The following GREB1 variants were observed in gnomAD, a reference collection of about 807,000 sequenced individuals.
GREB1 encodes protein GREB1.
A neutral mutation model predicts 200.7 loss-of-function variants in GREB1; 106 were observed. That is an observed-to-expected ratio of 0.53 (90% confidence interval 0.45 to 0.62). The LOEUF is 0.62. GREB1 is among the 20% of genes least tolerant of loss of function. GREB1 has a pLI of 0.00. For synonymous variants in GREB1, 1,132 were observed against 1,092.4 expected, an observed-to-expected ratio of 1.04 and a Z score of -0.72; for missense variants, 2,243 against 2,556.8, an observed-to-expected ratio of 0.88 and a Z score of 2.65.
chr2:11,616,701 C>T lies in GREB1; in HGVS notation c.3393C>T (p.Ser1131=), dbSNP rs749242239. 6.2e-7 allele frequency: 1 copy of T among 1,610,136 alleles called. No homozygotes were observed. The highest frequency in any genetic ancestry group is 8.5e-7 in the Non-Finnish European group (1 of 1,176,328). ...RSRSHDSASS[S]LSSKASGSAL... is the part of the protein sequence containing the mutation. The stretch of plus-strand genomic sequence containing the variant: ...GCTCCCACGACTCAGCATCCTCATC[C>T]CTCTCCTCCAAGGCTTCCGGTGAGT... Residue 1131 remains serine (S), a synonymous_variant, in exon 21 of 33, where the codon TCC becomes TCT. Coordinates refer to ENST00000381486, the MANE Select transcript of GREB1 (RefSeq NM_014668.4).
chr2:11,635,802 C>T (rs529420554), intron 30 of GREB1, among the ~76,000 whole-genome samples: 3 of 152,254 alleles, frequency 2.0e-5, no homozygotes, highest in South Asian at 4.1e-4. Context: ...TGGGCAGCCT[C>T]GGGGTGGGGA....
intron 2 of GREB1, among the ~76,000 whole-genome samples, chr2:11,559,142 G>A (rs761721388): frequency 1.6e-4 from 24 of 152,176 alleles, no homozygotes; most frequent in Non-Finnish European, 3.2e-4. Context: ...AAAAGCAGTA[G>A]CCTTGTACGG....
chr2:11,513,145 T>G (rs1673397075), intron 1 of GREB1, among the ~76,000 whole-genome samples: 1 of 152,252 alleles, frequency 6.6e-6, no homozygotes. Context: ...TAAGCAGGTC[T>G]GCTACGGTTC....
intron 9 of GREB1, chr2:11,588,355 C>T: frequency 1.0e-6 from 1 of 966,218 alleles, no homozygotes; most frequent in Non-Finnish European, 1.3e-6. Context: ...GGAGGCAAGA[C>T]CTGGCAGGCA....
chr2:11,631,069 C>T (rs1441517103), intron 26 of GREB1, among the ~76,000 whole-genome samples: 1 of 152,138 alleles, frequency 6.6e-6, no homozygotes, highest in Non-Finnish European at 1.5e-5. Flanking sequence ...CGGTGAAATT[C>T]CAGGGGTGAA....
intron 29 of GREB1, 130 bp downstream of exon 29, chr2:11,634,479 G>A (rs1685146911): frequency 1.5e-6 from 1 of 648,526 alleles, no homozygotes; most frequent in Non-Finnish European, 2.7e-6. Flanking sequence ...CGTTGTCCCA[G>A]TTTTTTTAGT....
chr2:11,619,951 C>G (rs1454445100), intron 22 of GREB1, among the ~76,000 whole-genome samples: 1 of 152,192 alleles, frequency 6.6e-6, no homozygotes, highest in Non-Finnish European at 1.5e-5. Flanking sequence ...GCTTGGAAAG[C>G]ACATCCCTGG....
intron 2 of GREB1, among the ~76,000 whole-genome samples, chr2:11,560,701 C>CAA (rs57683800): frequency 0.025 from 3,650 of 143,278 alleles, 159 homozygotes; most frequent in African/African-American, 0.087. Flanking sequence ...AACTCCATCT[C>CAA]AAAAAAAAAA....
rs1376461397 is a variant in GREB1 at position 11,592,832 on chromosome 2, C to T, written c.1402C>T (p.Arg468Cys). ...GGAGCAGATCTTCCTGCGCTCTTGGCGCGAGTCGCACCTGACCGAGATCCG... is the reference window on the plus strand; with the variant it reads ...GGAGCAGATCTTCCTGCGCTCTTGGTGCGAGTCGCACCTGACCGAGATCCG... ...DLEQIFLRSW[R>C]ESHLTEIRQY... Residue 468 changes from arginine to cysteine, a missense_variant, in exon 11 of 33, where the codon CGC becomes TGC. This residue lies in a region of GREB1 where 1,178 missense variants were observed against 1,387.4 expected (regional missense o/e 0.85). Transcript: ENST00000381486. 6.3e-7 allele frequency: 1 copy of T among 1,590,924 alleles called. No homozygotes were observed. Among genetic ancestry groups the T allele is most frequent in the Non-Finnish European group, 8.5e-7 (1 of 1,172,698 alleles).
chr2:11,503,652 C>T (rs987772662), intron 1 of GREB1, among the ~76,000 whole-genome samples: 16 of 152,206 alleles, frequency 1.1e-4, no homozygotes, highest in Non-Finnish European at 2.2e-4. Context: ...TCTTTCCTCA[C>T]ATTTTTGCCA....
intron 1 of GREB1, among the ~76,000 whole-genome samples, chr2:11,486,716 A>T (rs1672664590): frequency 6.6e-6 from 1 of 151,910 alleles, no homozygotes; most frequent in African/African-American, 2.4e-5. Context: ...GAAAATACAA[A>T]AATTAGCCAG....
chr2:11,632,261 T>C (rs1684933948), intron 27 of GREB1, 148 bp downstream of exon 27: 1 of 620,230 alleles, frequency 1.6e-6, no homozygotes, highest in East Asian at 2.8e-5. Flanking sequence ...GACTTTTTTA[T>C]GCAGTCTTCC....
In GREB1 at chr2:11,595,391, G is replaced by A. The variant is rs747232063; in HGVS notation, c.1825+12G>A. ...CACCCTCTGTCCAGGTAGGCTTGTC[G>A]TGAGACAGGTGCACATGCGTATGTT... On this transcript the variant is annotated intron_variant, in intron 12 of 32. Transcript: ENST00000381486. 22 of 1,611,326 alleles carry A rather than the reference G, an allele frequency of 1.4e-5. No homozygotes were observed. Among genetic ancestry groups the A allele is most frequent in the South Asian group, 5.5e-5 (5 of 90,908 alleles).
intron 21 of GREB1, among the ~76,000 whole-genome samples, 167 bp from the exon 22 acceptor site, chr2:11,618,121 G>A (rs1273646064): frequency 1.7e-4 from 11 of 63,976 alleles, no homozygotes; most frequent in South Asian, 9.9e-4. Flanking sequence ...GGGACGAGTC[G>A]CCCCTGAGAT....
intron 16 of GREB1, among the ~76,000 whole-genome samples, chr2:11,601,807 G>A (rs372926661): frequency 6.6e-6 from 1 of 152,318 alleles, no homozygotes. Flanking sequence ...AGACAAAGTG[G>A]CCAACAAGAG....
At chr2:11,522,383 G>A (rs147591078) in intron 1 of GREB1, among the ~76,000 whole-genome samples, 1 of 152,310 alleles carries the variant, frequency 6.6e-6, no homozygotes, top group East Asian at 1.9e-4. Context: ...GGTTAAAGTA[G>A]AGTGTTTTTG....
At position 11,551,992 on chromosome 2, in the gene GREB1, C is replaced by T. The variant is rs151307016; in HGVS notation, c.-161-4462C>T. 1.7e-3 allele frequency among the ~76,000 whole-genome samples: 263 copies of T among 152,350 alleles called. 1 individual carries two copies. The highest frequency in any genetic ancestry group is 2.5e-3 in the Non-Finnish European group (169 of 68,038). On this transcript the variant is annotated intron_variant, in intron 1 of 32. Coordinates refer to ENST00000381486, the MANE Select transcript of GREB1 (RefSeq NM_014668.4). ...AGATTTAACTAGAAATTAATGATTA[C>T]GCACTGACTATACTCCGTCTCTCTT...
At chr2:11,582,903 C>T (rs931039656) in intron 7 of GREB1, among the ~76,000 whole-genome samples, 1 of 152,128 alleles carries the variant, frequency 6.6e-6, no homozygotes, top group Non-Finnish European at 1.5e-5. Flanking sequence ...CCCCTGGGGG[C>T]GGGGGTAGGA....
At position 11,580,507 on chromosome 2, in the gene GREB1, G is replaced by T. The variant is rs747269087; in HGVS notation, c.773-197G>T. The stretch of plus-strand genomic sequence containing the variant: ...GTGTATGTGTGTACACGTGCATGGG[G>T]GTGTGTGTGTGTATGCATGTGTCTG... On this transcript the variant is annotated intron_variant, in intron 6 of 32. Transcript: ENST00000381486. This position sits in a 1 kb window ranked among gnomAD's most constrained non-coding sequence, Gnocchi z 4.5. 7.9e-5 allele frequency among the ~76,000 whole-genome samples: 12 copies of T among 151,960 alleles called. No individual in the cohort carries two copies. The highest frequency in any genetic ancestry group is 1.3e-4 in the Non-Finnish European group (9 of 67,966).
Sources: allele counts gnomAD v4.1 joint callset (sites outside exome capture counted in the v4.1 genomes callset), GRCh38; gene constraint gnomAD v4.1.1; regional missense constraint gnomAD v4.1.1; non-coding constraint Gnocchi (gnomAD v3.1); transcripts MANE v1.5; gene names NCBI Gene and HGNC (gene_info 2026-07-23, HGNC 2026-07-21).